Variants in SYN3 observed in about 807,000 individuals in gnomAD.
The protein encoded by SYN3 is synapsin-3.
A neutral mutation model predicts 65.8 loss-of-function variants in SYN3; 35 were observed. The ratio of observed to expected loss-of-function variants is 0.53; its 90% CI spans 0.41 to 0.70. The LOEUF (loss-of-function observed/expected upper bound fraction) is 0.70. Ranked by LOEUF, SYN3 falls within the 30% of genes least tolerant of loss-of-function variation. The pLI, the probability that SYN3 is intolerant of heterozygous loss-of-function variation, is 0.00. For missense variants in SYN3, 680 were observed against 749.0 expected (o/e 0.91, Z 1.08); for synonymous variants, 270 against 292.9 (o/e 0.92, Z 0.80).
At chr22:32,783,540 T>G (rs1268969565) in intron 6 of SYN3, among the ~76,000 whole-genome samples, 1 of 152,190 alleles carries the variant, frequency 6.6e-6, no homozygotes, top group Non-Finnish European at 1.5e-5. Context: ...AGTTTTTACA[T>G]GGTTTTTAAT....
intron 7 of SYN3, among the ~76,000 whole-genome samples, chr22:32,582,246 C>A (rs535699887): frequency 9.2e-5 from 14 of 152,286 alleles, no homozygotes; most frequent in Non-Finnish European, 1.5e-4. Flanking sequence ...GAGTTTGCAT[C>A]CCTTGGTCAA....
chr22:32,523,175 T>C (rs2057915846), intron 12 of SYN3, among the ~76,000 whole-genome samples: 1 of 152,216 alleles, frequency 6.6e-6, no homozygotes, highest in African/African-American at 2.4e-5. Flanking sequence ...ATACTACTAT[T>C]GTATTAATAA....
chr22:32,834,708 T>C (rs1482244202), intron 6 of SYN3, among the ~76,000 whole-genome samples: 5 of 152,182 alleles, frequency 3.3e-5, no homozygotes, highest in Non-Finnish European at 7.3e-5. Context: ...AGAGGACAGC[T>C]GGCCCTGTGC....
chr22:32,878,006 A>T (rs2049027103), intron 4 of SYN3, among the ~76,000 whole-genome samples: 1 of 152,216 alleles, frequency 6.6e-6, no homozygotes, highest in African/African-American at 2.4e-5. Context: ...AGATACGATA[A>T]TAATAGCTTT....
At chr22:32,582,354 CTTT>C (rs35437184) in intron 7 of SYN3, among the ~76,000 whole-genome samples, 2 of 138,526 alleles carry the variant, frequency 1.4e-5, no homozygotes, top group African/African-American at 2.6e-5. Context: ...TGCATTCTCC[CTTT>C]TTTTTTTTTT....
chr22:32,807,315 ATATATAAATATATAATTT>A, intron 6 of SYN3, among the ~76,000 whole-genome samples: 2 of 112,324 alleles, frequency 1.8e-5, no homozygotes, highest in Admixed American at 1.3e-4. Flanking sequence ...TAAATATATA[ATATATAAATATATAATTT>A]ATATATAATA....
At chr22:33,020,985 C>T (rs889752094) in intron 1 of SYN3, among the ~76,000 whole-genome samples, 1 of 152,226 alleles carries the variant, frequency 6.6e-6, no homozygotes, top group East Asian at 1.9e-4. Flanking sequence ...GTATCTAAAA[C>T]AGTGCTTGGC....
chr22:32,730,615 G>A (rs531943938), intron 6 of SYN3, among the ~76,000 whole-genome samples: 3 of 152,274 alleles, frequency 2.0e-5, no homozygotes, highest in South Asian at 2.1e-4. Context: ...CAAGTATCCC[G>A]ACCTGAATGG....
intron 7 of SYN3, among the ~76,000 whole-genome samples, chr22:32,592,673 C>A (rs1219076891): frequency 6.6e-6 from 1 of 152,178 alleles, no homozygotes; most frequent in Non-Finnish European, 1.5e-5. Context: ...AAAGGCCATG[C>A]ACTTTTCTTT....
chr22:32,625,384 T>A (rs2059651489), intron 6 of SYN3, among the ~76,000 whole-genome samples: 1 of 152,206 alleles, frequency 6.6e-6, no homozygotes, highest in Non-Finnish European at 1.5e-5. Flanking sequence ...TCCCTATAAA[T>A]GGGACAGATG....
At chr22:33,002,819 T>C (rs1018973152) in intron 2 of SYN3, among the ~76,000 whole-genome samples, 1 of 152,184 alleles carries the variant, frequency 6.6e-6, no homozygotes, top group African/African-American at 2.4e-5. Context: ...TAATACATAG[T>C]TACTTGGTGC....
At chr22:32,529,222 G>A (rs554853679) in intron 10 of SYN3, 5 of 549,900 alleles carry the variant, frequency 9.1e-6, no homozygotes, top group African/African-American at 5.6e-5. Flanking sequence ...AGTTCAATTC[G>A]GCCCACGTTT....
At chr22:32,894,412 G>A (rs1456565997) in intron 4 of SYN3, among the ~76,000 whole-genome samples, 7 of 152,194 alleles carry the variant, frequency 4.6e-5, no homozygotes, top group Non-Finnish European at 8.8e-5. Context: ...CTATTGCAGA[G>A]GGTGGAAATC....
intron 7 of SYN3, among the ~76,000 whole-genome samples, chr22:32,569,561 CTCTCTCTCTCTATA>C (rs1249301316): frequency 1.9e-5 from 1 of 51,736 alleles, no homozygotes; most frequent in African/African-American, 5.8e-5. Context: ...CTCTCTCTCT[CTCTCTCTCTCTATA>C]TATATATATA....
At chr22:32,962,822 ATCT>A (rs1390371472) in intron 3 of SYN3, among the ~76,000 whole-genome samples, 1 of 126,200 alleles carries the variant, frequency 7.9e-6, no homozygotes, top group African/African-American at 5.6e-5. Context: ...CTATCTATCT[ATCT>A]ATCTATCTAT....
intron 6 of SYN3, among the ~76,000 whole-genome samples, chr22:32,748,715 G>A (rs1174547850): frequency 3.3e-5 from 5 of 152,164 alleles, no homozygotes; most frequent in Non-Finnish European, 7.3e-5. Flanking sequence ...GATGGACTCA[G>A]GTCTTATCCT....
intron 6 of SYN3, among the ~76,000 whole-genome samples, chr22:32,605,550 G>A (rs1463967760): frequency 2.6e-5 from 4 of 152,172 alleles, no homozygotes; most frequent in Non-Finnish European, 5.9e-5. Flanking sequence ...CTTCTGTGAG[G>A]TAGCTCCTAT....
At chr22:32,607,541 A>C (rs2059389045) in intron 6 of SYN3, among the ~76,000 whole-genome samples, 2 of 152,124 alleles carry the variant, frequency 1.3e-5, no homozygotes, top group Admixed American at 1.3e-4. Flanking sequence ...CTCCCTGCCC[A>C]GCCTCGAGCT....
At chr22:32,554,395 C>T (rs2858342) in intron 7 of SYN3, among the ~76,000 whole-genome samples, 3,743 of 152,224 alleles carry the variant, frequency 0.025, 136 homozygotes, top group African/African-American at 0.084. Flanking sequence ...TTTGTTACCA[C>T]CTTCACCTCT....
Sources: gnomAD v4.1 joint callset for allele counts (sites outside exome capture counted in the v4.1 genomes callset) on GRCh38, gnomAD v4.1.1 for gene constraint, MANE v1.5 for transcripts, NCBI Gene and HGNC (gene_info 2026-07-23, HGNC 2026-07-21) for gene names.